The following CADPS2 variants were observed in gnomAD, a reference collection of about 807,000 sequenced individuals.
CADPS2 encodes calcium dependent secretion activator 2.
Under a neutral mutation model 172.5 loss-of-function variants are expected in CADPS2, and 93 were observed. The ratio of observed to expected loss-of-function variants is 0.54; its 90% CI spans 0.46 to 0.64. The LOEUF is 0.64. CADPS2 is among the 30% of genes least tolerant of loss of function. CADPS2 has a pLI of 0.00. For missense variants in CADPS2, 1,420 were observed against 1,565.9 expected, an observed-to-expected ratio of 0.91 and a Z score of 1.57; for synonymous variants, 546 against 555.2, an observed-to-expected ratio of 0.98 and a Z score of 0.23.
At position 122,816,535 on chromosome 7, in the gene CADPS2, T is replaced by G. The variant is rs529420371; in HGVS notation, c.339+69464A>C. 1.3e-4 allele frequency among the ~76,000 whole-genome samples: 20 copies of G among 152,352 alleles called. No individual in the cohort carries two copies. The East Asian group carries it at 3.1e-3, about 23-fold the overall frequency. ...AGCTCTTAAATATTATGATCTCCTTTCTTTTGGACATACAGCAGTGGAATT... is the reference window on the plus strand; with the variant it reads ...AGCTCTTAAATATTATGATCTCCTTGCTTTTGGACATACAGCAGTGGAATT... On this transcript the variant is annotated intron_variant, in intron 1 of 29. Coordinates refer to ENST00000449022, the MANE Select transcript of CADPS2 (RefSeq NM_017954.11).
At chr7:122,550,434 T>A (rs962137687) in intron 8 of CADPS2, among the ~76,000 whole-genome samples, 1 of 152,208 alleles carries the variant, frequency 6.6e-6, no homozygotes, top group Non-Finnish European at 1.5e-5. Context: ...TCTATTATAG[T>A]TATATAGTTA....
intron 6 of CADPS2, among the ~76,000 whole-genome samples, chr7:122,581,859 C>T (rs962780870): frequency 6.6e-6 from 1 of 152,186 alleles, no homozygotes; most frequent in Middle Eastern, 3.4e-3. Flanking sequence ...TAATTTCCCA[C>T]TACATTCTCT....
At chr7:122,706,887 T>A (rs1016718662) in intron 2 of CADPS2, among the ~76,000 whole-genome samples, 1 of 151,144 alleles carries the variant, frequency 6.6e-6, no homozygotes, top group African/African-American at 2.4e-5. Flanking sequence ...TCAATGTCTC[T>A]TTGGCTAGAA....
At chr7:122,763,983 A>G (rs1444533620) in intron 1 of CADPS2, among the ~76,000 whole-genome samples, 1 of 152,112 alleles carries the variant, frequency 6.6e-6, no homozygotes, top group Non-Finnish European at 1.5e-5. Flanking sequence ...CAACTTGGCT[A>G]AAAAGTACTT....
chr7:122,692,831 TTC>T (rs1371495241), intron 2 of CADPS2, among the ~76,000 whole-genome samples: 1 of 152,218 alleles, frequency 6.6e-6, no homozygotes, highest in Non-Finnish European at 1.5e-5. Flanking sequence ...TCACGCACTG[TTC>T]TCTCTGTCTT....
At chr7:122,828,760 T>A (rs776286088) in intron 1 of CADPS2, among the ~76,000 whole-genome samples, 1 of 152,188 alleles carries the variant, frequency 6.6e-6, no homozygotes, top group Non-Finnish European at 1.5e-5. Flanking sequence ...GAGACTGTTT[T>A]TTCCCCTTTT....
At chr7:122,499,476 T>C (rs2059023221) in intron 9 of CADPS2, among the ~76,000 whole-genome samples, 1 of 152,196 alleles carries the variant, frequency 6.6e-6, no homozygotes, top group Admixed American at 6.5e-5. Flanking sequence ...TTTAAAAACA[T>C]GGGCACTATA....
At position 122,361,248 on chromosome 7, in the gene CADPS2, A is replaced by ATTTTTTTT. The variant is rs1181719835; in HGVS notation, c.3388-236_3388-235insAAAAAAAA. On this transcript the variant is annotated intron_variant, in intron 25 of 29. Transcript: ENST00000449022. ...ACTTTTTTTTTTTTTTTTTTTTTTA[A>ATTTTTTTT]AATGAGATGGAGGCTTGCTCTGTCA... Among the ~76,000 whole-genome samples, 76 of 111,164 alleles carry ATTTTTTTT rather than the reference A, an allele frequency of 6.8e-4. 6 individuals carry two copies. The highest frequency in any genetic ancestry group is 2.6e-3 in the African/African-American group (70 of 26,884). 72.9% of individuals were successfully genotyped at this position (111,164 alleles called of 152,430 possible).
At chr7:122,762,294 C>G (rs1032667412) in intron 1 of CADPS2, among the ~76,000 whole-genome samples, 1 of 151,660 alleles carries the variant, frequency 6.6e-6, no homozygotes. Context: ...CAGTGGAATT[C>G]CAGAAAGAGA....
intron 14 of CADPS2, among the ~76,000 whole-genome samples, chr7:122,467,331 C>T (rs2055282813): frequency 6.6e-6 from 1 of 152,128 alleles, no homozygotes; most frequent in African/African-American, 2.4e-5. Flanking sequence ...CTACGTGATG[C>T]AATTATCTAC....
At chr7:122,884,334 A>G (rs1334123045) in intron 1 of CADPS2, among the ~76,000 whole-genome samples, 1 of 152,198 alleles carries the variant, frequency 6.6e-6, no homozygotes, top group Non-Finnish European at 1.5e-5. Context: ...CTGCCTCAGA[A>G]CAGACTCAAT....
chr7:122,454,082 G>A (rs996672623), intron 14 of CADPS2, among the ~76,000 whole-genome samples: 1 of 152,164 alleles, frequency 6.6e-6, no homozygotes, highest in African/African-American at 2.4e-5. Context: ...TAACTTTGCA[G>A]TAGTCAACTC....
chr7:122,827,632 CAA>C (rs34472895), intron 1 of CADPS2, among the ~76,000 whole-genome samples: 1 of 137,176 alleles, frequency 7.3e-6, no homozygotes. Flanking sequence ...AATTCCATCT[CAA>C]AAAAAAAAAA....
rs549692882 is a variant in CADPS2, at chr7:122,558,877, G to A, written c.1336-4188C>T. Among the ~76,000 whole-genome samples, 4 of 152,214 alleles carry A rather than the reference G, an allele frequency of 2.6e-5. No homozygotes were observed. In the East Asian group the frequency reaches 7.7e-4, roughly 29 times the overall value. On this transcript the variant is annotated intron_variant, in intron 7 of 29. Transcript: ENST00000449022. ...AAGACTATTTAAATTGCTAAACTCT[G>A]TTTCAACAAGCACCTGAAAAACTAA...
In CADPS2 at chr7:122,449,293, T is replaced by C. The variant is rs573353931; in HGVS notation, c.2288+2081A>G. 1.6e-4 allele frequency among the ~76,000 whole-genome samples: 25 copies of C among 152,278 alleles called. No homozygotes were observed. The South Asian group carries it at 5.0e-3, about 30-fold the overall frequency. On this transcript the variant is annotated intron_variant, in intron 15 of 29. Transcript: ENST00000449022. ...CATAAAATACATTTAAAGGATTCTA[T>C]ACAACCTAGGAGACAACACTTTTTT...
chr7:122,816,052 G>A (rs13227288), intron 1 of CADPS2, among the ~76,000 whole-genome samples: 30,115 of 151,638 alleles, frequency 0.2, 3,111 homozygotes, highest in Middle Eastern at 0.29. Flanking sequence ...TAGTTATGTT[G>A]AAATATACAA....
intron 15 of CADPS2, among the ~76,000 whole-genome samples, chr7:122,449,326 T>G (rs2052733844): frequency 6.6e-6 from 1 of 152,018 alleles, no homozygotes; most frequent in East Asian, 1.9e-4. Flanking sequence ...TTTTTGTTTG[T>G]TTTTGTTTTT....
At chr7:122,856,667 A>C (rs1273768664) in intron 1 of CADPS2, among the ~76,000 whole-genome samples, 2 of 152,214 alleles carry the variant, frequency 1.3e-5, no homozygotes, top group Non-Finnish European at 2.9e-5. Context: ...GTACATTTTA[A>C]CTGACATTAA....
chr7:122,823,935 T>C (rs1392762959), intron 1 of CADPS2, among the ~76,000 whole-genome samples: 5 of 152,148 alleles, frequency 3.3e-5, no homozygotes, highest in Admixed American at 2.6e-4. Flanking sequence ...AGTTCTACTG[T>C]ACTGCCTCAG....
Sources: allele counts gnomAD v4.1 joint callset (sites outside exome capture counted in the v4.1 genomes callset), GRCh38; gene constraint gnomAD v4.1.1; transcripts MANE v1.5; gene names NCBI Gene and HGNC (gene_info 2026-07-23, HGNC 2026-07-21).